PARM1: variants seen among roughly 807,000 people sequenced by gnomAD.
PARM1 encodes the protein WSC4, cell wall integrity and stress response component 4 homolog.
A neutral mutation model predicts 24.6 loss-of-function variants in PARM1; 14 were observed. The observed-to-expected ratio is 0.57, with a 90% CI of 0.38 to 0.89. The LOEUF (loss-of-function observed/expected upper bound fraction) is 0.89, where lower values mean the gene tolerates loss of function less well. Among genes scored for constraint, PARM1 ranks in the 40% least tolerant of loss-of-function variants. The pLI is 0.00. For synonymous variants in PARM1, 179 were observed against 156.6 expected (o/e 1.14, Z -1.07); for missense variants, 362 against 380.4 (o/e 0.95, Z 0.40).
Position 75,009,433 on chromosome 4 carries a change from TATTG to T in PARM1, c.44-2988_44-2985del, listed in dbSNP as rs1722828408. ...TAGGCCATGTTCTATTCCTTTTGAA[TATTG>T]ATTATGGTTGGCCTTTACCTATTTG... On this transcript the variant is annotated intron_variant, in intron 1 of 3. Coordinates refer to ENST00000307428, the MANE Select transcript of PARM1 (RefSeq NM_015393.4). Among the ~76,000 whole-genome samples the T allele has an allele frequency of 5.3e-5, 8 of 152,364 alleles. No individual in the cohort carries two copies. In the South Asian group the frequency reaches 1.4e-3, roughly 28 times the overall value.
At chr4:74,962,880 T>C (rs1484715778) in intron 1 of PARM1, among the ~76,000 whole-genome samples, 1 of 152,178 alleles carries the variant, frequency 6.6e-6, no homozygotes, top group Non-Finnish European at 1.5e-5. Flanking sequence ...ATGCCACAGA[T>C]CTGTACACTT....
chr4:74,999,667 T>C (rs766457086), intron 1 of PARM1, among the ~76,000 whole-genome samples: 2 of 152,170 alleles, frequency 1.3e-5, no homozygotes, highest in African/African-American at 4.8e-5. Flanking sequence ...TAAAAGATAT[T>C]TAAGAAGTAA....
chr4:75,022,139 A>G (rs1179617423), intron 2 of PARM1, among the ~76,000 whole-genome samples: 3 of 152,160 alleles, frequency 2.0e-5, no homozygotes, highest in Non-Finnish European at 2.9e-5. Context: ...CTTTTTAATA[A>G]TAGCCATTCT....
At chr4:74,963,215 C>T (rs1429819627) in intron 1 of PARM1, among the ~76,000 whole-genome samples, 52 of 152,190 alleles carry the variant, frequency 3.4e-4, no homozygotes, top group African/African-American at 1.2e-3. Flanking sequence ...TTCTTCATAG[C>T]AGTGTGAAAA....
At chr4:74,935,347 T>A (rs977245762) in intron 1 of PARM1, among the ~76,000 whole-genome samples, 2 of 152,212 alleles carry the variant, frequency 1.3e-5, no homozygotes, top group Non-Finnish European at 2.9e-5. Flanking sequence ...AGAGCTACTT[T>A]GCAATAAATC....
rs749087641 is a variant in PARM1 at position 74,933,368 on chromosome 4, C to T, written c.41C>T (p.Ala14Val). ...KTLFALCILT[A>V]GWRVQSLPTS... ...CTCTTCGCTCTTTGCATCTTAACTGCAGGTAATTGGCGCCATCCTCCCGGA... is the reference window on the plus strand; with the variant it reads ...CTCTTCGCTCTTTGCATCTTAACTGTAGGTAATTGGCGCCATCCTCCCGGA... The change falls in exon 1 of 4, where the codon GCA becomes GTA. Residue 14 changes from alanine (A) to valine (V), a missense_variant and splice_region_variant. Coordinates refer to ENST00000307428, the MANE Select transcript of PARM1 (RefSeq NM_015393.4). 4 of 1,612,612 alleles carry T rather than the reference C, an allele frequency of 2.5e-6. No homozygotes were observed. In the Admixed American group the frequency reaches 6.7e-5, roughly 27 times the overall value.
intron 1 of PARM1, among the ~76,000 whole-genome samples, chr4:74,971,844 A>G (rs1722043840): frequency 6.6e-6 from 1 of 152,334 alleles, no homozygotes; most frequent in Non-Finnish European, 1.5e-5. Context: ...TTTCTAGAAG[A>G]AAGTTTTCAA....
At chr4:75,012,302 C>A in intron 1 of PARM1, 123 bp from the exon 2 acceptor site, 2 of 1,062,256 alleles carry the variant, frequency 1.9e-6, no homozygotes, top group Non-Finnish European at 2.7e-6. Flanking sequence ...GGGGAGGGCA[C>A]AATGCAAAAT....
At chr4:75,014,632 A>G (rs1450199256) in intron 2 of PARM1, among the ~76,000 whole-genome samples, 6 of 152,134 alleles carry the variant, frequency 3.9e-5, no homozygotes, top group African/African-American at 1.2e-4. Flanking sequence ...CTCCTCTGAT[A>G]TGCAGCAAGA....
intron 1 of PARM1, among the ~76,000 whole-genome samples, chr4:74,951,782 G>A (rs572406586): frequency 3.4e-4 from 51 of 152,232 alleles, no homozygotes; most frequent in African/African-American, 1.2e-3. Flanking sequence ...CTGTTTTAAG[G>A]CTGCATAGTA....
At chr4:74,982,096 A>G (rs1397830614) in intron 1 of PARM1, among the ~76,000 whole-genome samples, 2 of 152,178 alleles carry the variant, frequency 1.3e-5, no homozygotes, top group East Asian at 3.8e-4. Context: ...CATATACATG[A>G]TGGAATACTA....
chr4:74,947,091 T>C (rs1315876640), intron 1 of PARM1, among the ~76,000 whole-genome samples: 1 of 152,214 alleles, frequency 6.6e-6, no homozygotes, highest in Non-Finnish European at 1.5e-5. Flanking sequence ...TGGATGCTAA[T>C]CATCAGTGGC....
intron 1 of PARM1, among the ~76,000 whole-genome samples, chr4:74,977,657 C>T: frequency 6.6e-6 from 1 of 152,138 alleles, no homozygotes; most frequent in East Asian, 1.9e-4. Context: ...CTCCAAGACA[C>T]ATAATCATCA....
At chr4:75,043,121 C>T (rs1723532887) in intron 3 of PARM1, among the ~76,000 whole-genome samples, 1 of 152,052 alleles carries the variant, frequency 6.6e-6, no homozygotes, top group African/African-American at 2.4e-5. Context: ...TCCTCTAACC[C>T]CCATTCCAAC....
chr4:74,939,820 T>C (rs1431506324), intron 1 of PARM1, among the ~76,000 whole-genome samples: 1 of 152,160 alleles, frequency 6.6e-6, no homozygotes, highest in Admixed American at 6.5e-5. Context: ...GTGGAAAAAA[T>C]ATTAAGATAA....
At chr4:74,963,395 G>A in intron 1 of PARM1, among the ~76,000 whole-genome samples, 1 of 152,072 alleles carries the variant, frequency 6.6e-6, no homozygotes, top group Admixed American at 6.6e-5. Context: ...CCAAAATATA[G>A]AAATAACCCA....
chr4:74,972,330 A>G (rs1722054496), intron 1 of PARM1, among the ~76,000 whole-genome samples: 1 of 152,238 alleles, frequency 6.6e-6, no homozygotes, highest in South Asian at 2.1e-4. Context: ...TACCTGTGAT[A>G]ATACTTACCT....
intron 1 of PARM1, among the ~76,000 whole-genome samples, chr4:74,940,010 G>A (rs1721271469): frequency 6.6e-6 from 1 of 152,124 alleles, no homozygotes; most frequent in South Asian, 2.1e-4. Flanking sequence ...AACATGAAAG[G>A]AATTAGATGA....
At chr4:74,957,736 C>CT (rs1357898172) in intron 1 of PARM1, among the ~76,000 whole-genome samples, 1 of 152,136 alleles carries the variant, frequency 6.6e-6, no homozygotes, top group African/African-American at 2.4e-5. Context: ...GTTCTGTACC[C>CT]TGGGAGAGTG....
Sources: allele counts gnomAD v4.1 joint callset (sites outside exome capture counted in the v4.1 genomes callset), GRCh38; gene constraint gnomAD v4.1.1; transcripts MANE v1.5; gene names NCBI Gene and HGNC (gene_info 2026-07-23, HGNC 2026-07-21).